AKR1C4: variants seen among roughly 807,000 people sequenced by gnomAD.
The protein encoded by AKR1C4 is 3-alpha-HSD1.
In AKR1C4, 44 loss-of-function variants were observed where a neutral mutation model predicts 41.0. The observed-to-expected ratio is 1.07, with a 90% CI of 0.84 to 1.38. The LOEUF (loss-of-function observed/expected upper bound fraction) is 1.38. Among genes scored for constraint, AKR1C4 ranks in the 40% most tolerant of loss-of-function variants. The pLI, the probability that AKR1C4 is intolerant of heterozygous loss-of-function variation, is 0.00. For synonymous variants in AKR1C4, 165 were observed against 137.7 expected, an observed-to-expected ratio of 1.20 and a Z score of -1.39; for missense variants, 438 against 387.9, an observed-to-expected ratio of 1.13 and a Z score of -1.09.
chr10:5,207,513 T>C, intron 5 of AKR1C4: 1 of 457,386 alleles, frequency 2.2e-6, no homozygotes, highest in Non-Finnish European at 4.2e-6. Flanking sequence ...CTTTATAAAA[T>C]AGGGTATAAG....
In AKR1C4 at chr10:5,212,676, A is replaced by G. The variant is rs782655188; in HGVS notation, c.631A>G (p.Ile211Val). The G allele has an allele frequency of 2.5e-6, 4 of 1,613,998 alleles. No individual in the cohort carries two copies. In the African/African-American group the frequency reaches 5.3e-5, roughly 22 times the overall value. ...GCTGGATTTCTGCAAGTCAAAAGACATTGTTCTGGTTGCCCACAGTGCTCT... is the reference window on the plus strand; with the variant it reads ...GCTGGATTTCTGCAAGTCAAAAGACGTTGTTCTGGTTGCCCACAGTGCTCT... ...KLLDFCKSKD[I>V]VLVAHSALGT... The change falls in exon 6 of 9, where the codon ATT becomes GTT. Residue 211 changes from isoleucine (I) to valine (V), a missense_variant. Transcript: ENST00000263126.
intron 2 of AKR1C4, among the ~76,000 whole-genome samples, chr10:5,202,835 T>TG (rs1264015712): frequency 6.6e-6 from 1 of 152,158 alleles, no homozygotes; most frequent in African/African-American, 2.4e-5. Context: ...GAAACCCACT[T>TG]GATCATGATA....
Position 5,213,167 on chromosome 10 carries a change from G to A in AKR1C4, c.846+8G>A, listed in dbSNP as rs568744887. 6.8e-6 allele frequency: 11 copies of A among 1,612,788 alleles called. No homozygotes were observed. In the South Asian group the frequency reaches 8.8e-5, roughly 13 times the overall value. On this transcript the variant is annotated splice_region_variant and intron_variant, in intron 7 of 8. Transcript: ENST00000263126. ...ATCAGAGAGAACATCCAGGTGAGGA[G>A]TTGGGTGGGCATCAGGGCTCCTGCA...
In AKR1C4 at chr10:5,216,746, A is replaced by C; in HGVS notation, c.882A>C (p.Lys294Asn). ...FEFQLTSEDM[K>N]VLDGLNRNYR... is the part of the protein sequence containing the mutation. ...TCCAGTTGACATCAGAGGATATGAA[A>C]GTTCTAGATGGTCTAAACAGAAATT... is the stretch of plus-strand genomic sequence containing the variant. Residue 294 changes from lysine (K) to asparagine (N), a missense_variant, in exon 8 of 9, where the codon AAA (lysine) becomes AAC (asparagine). Coordinates refer to ENST00000263126, the MANE Select transcript of AKR1C4 (RefSeq NM_001818.5). 1 of 1,612,614 alleles carries C rather than the reference A, an allele frequency of 6.2e-7. No homozygotes were observed. The highest frequency in any genetic ancestry group is 8.5e-7 in the Non-Finnish European group (1 of 1,179,152).
chr10:5,216,604 T>C lies in AKR1C4; in HGVS notation c.847-107T>C, dbSNP rs907439949. 32 of 718,184 alleles carry C rather than the reference T, an allele frequency of 4.5e-5. No homozygotes were observed. In the Admixed American group the frequency reaches 4.9e-4, roughly 11 times the overall value. The allele number at this position is 718,184 out of a possible 1,614,324, so 44.5% of individuals were successfully genotyped here. ...GTCTTTCATAACTTTTGGAAACTTA[T>C]CAAGTATTTTACATATTGCCTCTAC... On this transcript the variant is annotated intron_variant, in intron 7 of 8. Transcript: ENST00000263126.
At chr10:5,199,668 C>T (rs937625098) in intron 1 of AKR1C4, among the ~76,000 whole-genome samples, 1 of 152,082 alleles carries the variant, frequency 6.6e-6, no homozygotes, top group Non-Finnish European at 1.5e-5. Flanking sequence ...CTGGGGCAGT[C>T]AGAAGACAGT....
Position 5,212,735 on chromosome 10 carries a change from G to C in AKR1C4, c.680+10G>C, listed in dbSNP as rs782482239. 6.2e-7 allele frequency: 1 copy of C among 1,601,220 alleles called. No homozygotes were observed. The highest frequency in any genetic ancestry group is 1.1e-5 in the South Asian group (1 of 89,092). ...AACGACATAAACTATGGTAATAAGA[G>C]CATCAGGAAGTTTACCTAAAATGCC... is the stretch of plus-strand genomic sequence containing the variant. On this transcript the variant is annotated intron_variant, in intron 6 of 8. Transcript: ENST00000263126.
At position 5,218,748 on chromosome 10, in the gene AKR1C4, A is replaced by T; in HGVS notation, c.960A>T (p.Ser320=). 2 of 1,604,972 alleles carry T rather than the reference A, an allele frequency of 1.2e-6. No individual in the cohort carries two copies. Among genetic ancestry groups the T allele is most frequent in the Non-Finnish European group, 1.7e-6 (2 of 1,171,654 alleles). ...TGGACCATCCTGATTATCCATTTTCAGATGAATATTAGCATAGAGGGTGTT... is the reference window on the plus strand; with the variant it reads ...TGGACCATCCTGATTATCCATTTTCTGATGAATATTAGCATAGAGGGTGTT... ...FLMDHPDYPF[S]DEY Residue 320 remains serine, a synonymous_variant, in exon 9 of 9, where the codon TCA becomes TCT. Transcript: ENST00000263126.
Position 5,212,677 on chromosome 10 carries a change from T to G in AKR1C4, c.632T>G (p.Ile211Ser). ...KLLDFCKSKD[I>S]VLVAHSALGT... ...CTGGATTTCTGCAAGTCAAAAGACA[T>G]TGTTCTGGTTGCCCACAGTGCTCTG... The change falls in exon 6 of 9, where the codon ATT (isoleucine) becomes AGT (serine). Residue 211 changes from isoleucine (I) to serine (S), a missense_variant. By Grantham distance (142) the Ile-to-Ser change is moderately radical (BLOSUM62 -2). Transcript: ENST00000263126. 6.2e-7 allele frequency: 1 copy of G among 1,614,086 alleles called. No homozygotes were observed. Among genetic ancestry groups the G allele is most frequent in the Non-Finnish European group, 8.5e-7 (1 of 1,179,996 alleles).
intron 4 of AKR1C4, 104 bp from the exon 5 acceptor site, chr10:5,206,171 C>G: frequency 6.5e-7 from 1 of 1,548,252 alleles, no homozygotes; most frequent in Non-Finnish European, 8.7e-7. Flanking sequence ...CTGCTATTTT[C>G]ATTGTCATAT....
Position 5,205,871 on chromosome 10 carries a change from C to G in AKR1C4, c.447+37C>G, listed in dbSNP as rs1266440952. On this transcript the variant is annotated intron_variant, in intron 4 of 8. Transcript: ENST00000263126. Reference sequence around the variant, plus strand: ...GAGGACAGAGTACAGAAAAGGAAGACAAGAAGAGGTAAACCTGTTCCCCAG... The same window carrying G: ...GAGGACAGAGTACAGAAAAGGAAGAGAAGAAGAGGTAAACCTGTTCCCCAG... The G allele has an allele frequency of 4.4e-6, 7 of 1,579,330 alleles. No individual in the cohort carries two copies. In the African/African-American group the frequency reaches 6.8e-5, roughly 15 times the overall value.
At position 5,218,890 on chromosome 10, in the gene AKR1C4, G is replaced by C. The variant is rs1002476314; in HGVS notation, c.*130G>C. 1 of 722,054 alleles carries C rather than the reference G, an allele frequency of 1.4e-6. No individual in the cohort carries two copies. The highest frequency in any genetic ancestry group is 2.3e-6 in the Non-Finnish European group (1 of 429,416). The allele number at this position is 722,054 out of a possible 1,614,324, so 44.7% of individuals were successfully genotyped here. ...CCTCCCCTCCTGCTTGGCAACTTCAGCTAGCTAGATATATCCATGGTCCAG... is the reference window on the plus strand; with the variant it reads ...CCTCCCCTCCTGCTTGGCAACTTCACCTAGCTAGATATATCCATGGTCCAG... On this transcript the variant is annotated 3_prime_UTR_variant, in exon 9 of 9. Coordinates refer to ENST00000263126, the MANE Select transcript of AKR1C4 (RefSeq NM_001818.5).
At chr10:5,203,547 G>A (rs1554797131) in intron 2 of AKR1C4, among the ~76,000 whole-genome samples, 1 of 152,172 alleles carries the variant, frequency 6.6e-6, no homozygotes, top group African/African-American at 2.4e-5. Flanking sequence ...TCTGGAGGCA[G>A]TTTCTCCCCT....
chr10:5,200,445 T>C, intron 2 of AKR1C4, 97 bp downstream of exon 2: 2 of 1,499,574 alleles, frequency 1.3e-6, no homozygotes, highest in Non-Finnish European at 1.8e-6. Flanking sequence ...GGGTGAATTG[T>C]GCTTATTAGT....
Position 5,200,181 on chromosome 10 carries a change from G to C in AKR1C4, c.85G>C (p.Val29Leu). The C allele has an allele frequency of 2.5e-6, 4 of 1,609,274 alleles. No homozygotes were observed. Among genetic ancestry groups the C allele is most frequent in the Non-Finnish European group, 3.4e-6 (4 of 1,178,064 alleles). Reference protein sequence around the residue: ...LGFGTYAPPEVPRNRAVEVTK... With the variant: ...LGFGTYAPPELPRNRAVEVTK... ...ATACTACCTTTCGTTGCTCCTTCAG[G>C]TTCCGAGGAACAGAGCTGTAGAGGT... Residue 29 changes from valine (V) to leucine (L), a missense_variant and splice_region_variant, in exon 2 of 9, where the codon GTT (valine) becomes CTT (leucine). Coordinates refer to ENST00000263126, the MANE Select transcript of AKR1C4 (RefSeq NM_001818.5).
At chr10:5,202,519 T>C in intron 2 of AKR1C4, 2 of 454,924 alleles carry the variant, frequency 4.4e-6, no homozygotes, top group South Asian at 3.1e-5. Flanking sequence ...CTGATTACTC[T>C]GGCTAGGACT....
chr10:5,204,235 T>C (rs1164394401), intron 2 of AKR1C4, 142 bp from the exon 3 acceptor site: 4 of 659,922 alleles, frequency 6.1e-6, no homozygotes, highest in Admixed American at 5.0e-5. Context: ...TATAGGTAGG[T>C]CATATCAAAA....
In AKR1C4 at chr10:5,199,229, C is replaced by G. The variant is rs567477114; in HGVS notation, c.85-952C>G. Among the ~76,000 whole-genome samples the G allele has an allele frequency of 2.0e-5, 3 of 152,128 alleles. No homozygotes were observed. In the East Asian group the frequency reaches 5.8e-4, roughly 29 times the overall value. On this transcript the variant is annotated intron_variant, in intron 1 of 8. Coordinates refer to ENST00000263126, the MANE Select transcript of AKR1C4 (RefSeq NM_001818.5). ...TATCACCCCACATATAGAACCAACC[C>G]AAGACACGAGGATAATGTGATTTTT...
chr10:5,202,032 A>C (rs1243608297), intron 2 of AKR1C4, among the ~76,000 whole-genome samples: 1 of 152,158 alleles, frequency 6.6e-6, no homozygotes, highest in Non-Finnish European at 1.5e-5. Context: ...GAAGTCTGGT[A>C]ATGAAATACC....
Sources: gnomAD v4.1 joint callset for allele counts (sites outside exome capture counted in the v4.1 genomes callset) on GRCh38, gnomAD v4.1.1 for gene constraint, MANE v1.5 for transcripts, NCBI Gene and HGNC (gene_info 2026-07-23, HGNC 2026-07-21) for gene names.